TRIM25: variants seen among roughly 807,000 people sequenced by gnomAD.
TRIM25 encodes E3 ubiquitin/ISG15 ligase TRIM25.
A neutral mutation model predicts 65.2 loss-of-function variants in TRIM25; 45 were observed. The ratio of observed to expected loss-of-function variants is 0.69; its 90% CI spans 0.54 to 0.89. TRIM25 has a LOEUF of 0.89. Among genes scored for constraint, TRIM25 ranks in the 40% least tolerant of loss-of-function variants. The probability of loss-of-function intolerance (pLI) is 0.00; values close to 1 mark genes in which losing one functional copy is unlikely to be tolerated. For synonymous variants in TRIM25, 321 were observed against 340.4 expected, an observed-to-expected ratio of 0.94 and a Z score of 0.63; for missense variants, 714 against 803.7, an observed-to-expected ratio of 0.89 and a Z score of 1.35.
At position 56,890,592 on chromosome 17, in the gene TRIM25, A is replaced by C. The variant is rs1330282241; in HGVS notation, c.*1108T>G. On this transcript the variant is annotated 3_prime_UTR_variant, in exon 9 of 9. Coordinates refer to ENST00000316881, the MANE Select transcript of TRIM25 (RefSeq NM_005082.5). ...AGGTTGACACCCCAGCAAGTGGCCT[A>C]GCATGGTCCGAGGCAGCCGCATAGC... 1 of 456,274 alleles carries C rather than the reference A, an allele frequency of 2.2e-6. No homozygotes were observed. The highest frequency in any genetic ancestry group is 7.0e-5 in the East Asian group (1 of 14,378). 28.3% of individuals were successfully genotyped at this position (456,274 alleles called of 1,614,324 possible). A position where few individuals can be genotyped will look rare whatever the true frequency, so the allele number is the denominator to read the frequency against.
rs778670693 is a variant in TRIM25 at position 56,911,308 on chromosome 17, G to A, written c.597+2084C>T. 1.5e-4 allele frequency among the ~76,000 whole-genome samples: 23 copies of A among 151,686 alleles called. 1 individual carries two copies. In the South Asian group the frequency reaches 1.7e-3, roughly 11 times the overall value. On this transcript the variant is annotated intron_variant, in intron 1 of 8. Coordinates refer to ENST00000316881, the MANE Select transcript of TRIM25 (RefSeq NM_005082.5). ...AAAAATATATATATATGGGCCGGGC[G>A]TGGTGGCTCACGCTTGTAATCCCAG...
chr17:56,909,037 G>C (rs1909575906), intron 1 of TRIM25, among the ~76,000 whole-genome samples: 1 of 152,102 alleles, frequency 6.6e-6, no homozygotes, highest in South Asian at 2.1e-4. Context: ...AGGTGGCCAA[G>C]CTCACACAGG....
Position 56,913,527 on chromosome 17 carries a change from G to A in TRIM25, c.462C>T (p.Arg154=). The part of the protein sequence containing the change: ...PLQPPVRDLL[R]RKCSQHNRLR... ...GCCGATTGTGCTGGGAACATTTGCGGCGCAACAGGTCGCGAACGGGCGGCT... is the reference window on the plus strand; with the variant it reads ...GCCGATTGTGCTGGGAACATTTGCGACGCAACAGGTCGCGAACGGGCGGCT... The change falls in exon 1 of 9, where the codon CGC becomes CGT. Residue 154 remains arginine (R), a synonymous_variant. Coordinates refer to ENST00000316881, the MANE Select transcript of TRIM25 (RefSeq NM_005082.5). This position sits in a 1 kb window ranked among gnomAD's most constrained non-coding sequence, Gnocchi z 6.1. 1.2e-6 allele frequency: 2 copies of A among 1,613,814 alleles called. No individual in the cohort carries two copies. Among genetic ancestry groups the A allele is most frequent in the African/African-American group, 1.3e-5 (1 of 75,050 alleles).
In TRIM25 at chr17:56,913,629, C is replaced by G; in HGVS notation, c.360G>C (p.Leu120Phe). 6.2e-7 allele frequency: 1 copy of G among 1,602,126 alleles called. No homozygotes were observed. Among genetic ancestry groups the G allele is most frequent in the Non-Finnish European group, 8.5e-7 (1 of 1,172,642 alleles). The change falls in exon 1 of 9, where the codon TTG becomes TTC. Residue 120 changes from leucine (L) to phenylalanine (F), a missense_variant. Physicochemically the swap from Leu to Phe is conservative, Grantham distance 22. Around this residue, in one of 3 missense-constraint regions of TRIM25, gnomAD observed 291 missense variants for 281.8 expected, o/e 1.03. Transcript: ENST00000316881. This position sits in a 1 kb window ranked among gnomAD's most constrained non-coding sequence, Gnocchi z 6.1. ...CLKEAAVKTC[L>F]VCMASFCQEH... ...CCTGACAGAAGGAGGCCATGCACAC[C>G]AAGCACGTCTTCACGGCGGCCTCCT...
chr17:56,898,832 T>C (rs1421253214), intron 5 of TRIM25: 2 of 354,664 alleles, frequency 5.6e-6, no homozygotes, highest in Non-Finnish European at 1.0e-5. Flanking sequence ...ATCAGTCTCC[T>C]TGCCCAAGGC....
intron 1 of TRIM25, 186 bp from the exon 2 acceptor site, chr17:56,908,749 C>T (rs1260689240): frequency 9.9e-6 from 6 of 606,572 alleles, no homozygotes; most frequent in Non-Finnish European, 1.8e-5. Context: ...ATACTTACTA[C>T]TTCCCTTCAT....
chr17:56,903,346 C>A (rs1349156179), intron 3 of TRIM25, among the ~76,000 whole-genome samples: 1 of 152,172 alleles, frequency 6.6e-6, no homozygotes, highest in Non-Finnish European at 1.5e-5. Flanking sequence ...TTTCAGTGAG[C>A]AAGATCACAC....
At position 56,913,304 on chromosome 17, in the gene TRIM25, C is replaced by A; in HGVS notation, c.597+88G>T. The A allele has an allele frequency of 7.7e-7, 1 of 1,298,170 alleles. No individual in the cohort carries two copies. The highest frequency in any genetic ancestry group is 2.5e-5 in the East Asian group (1 of 40,166). The allele number at this position is 1,298,170 out of a possible 1,614,324, so 80.4% of individuals were successfully genotyped here. ...ATTCAGGCCCATCTCCCCAGGGCGT[C>A]CAGAGTGTGGCAGAGAGGCCCCCGG... On this transcript the variant is annotated intron_variant, in intron 1 of 8. Transcript: ENST00000316881. This position sits in a 1 kb window ranked among gnomAD's most constrained non-coding sequence, Gnocchi z 6.1.
At chr17:56,909,660 G>C (rs1387760189) in intron 1 of TRIM25, among the ~76,000 whole-genome samples, 1 of 147,916 alleles carries the variant, frequency 6.8e-6, no homozygotes, top group African/African-American at 2.5e-5. Context: ...ACTCCAGCCT[G>C]GGTGACAAAG....
At chr17:56,895,825 T>A (rs1909281303) in intron 6 of TRIM25, 101 bp downstream of exon 6, 1 of 1,466,650 alleles carries the variant, frequency 6.8e-7, no homozygotes, top group Non-Finnish European at 9.3e-7. Context: ...ATAGAACCCA[T>A]CACAGAACCC....
Position 56,891,686 on chromosome 17 carries a change from T to C in TRIM25, c.*14A>G, listed in dbSNP as rs898893996. 3 of 1,605,212 alleles carry C rather than the reference T, an allele frequency of 1.9e-6. No homozygotes were observed. In the African/African-American group the frequency reaches 4.0e-5, roughly 22 times the overall value. On this transcript the variant is annotated 3_prime_UTR_variant, in exon 9 of 9. Coordinates refer to ENST00000316881, the MANE Select transcript of TRIM25 (RefSeq NM_005082.5). ...GACTTCTGCAGGCAGTCAGCCCAAGTGCCTACAGCCTGCCTACTTGGGGGA... is the reference window on the plus strand; with the variant it reads ...GACTTCTGCAGGCAGTCAGCCCAAGCGCCTACAGCCTGCCTACTTGGGGGA...
At chr17:56,899,908 T>C (rs1168514608) in intron 4 of TRIM25, among the ~76,000 whole-genome samples, 1 of 152,208 alleles carries the variant, frequency 6.6e-6, no homozygotes, top group African/African-American at 2.4e-5. Flanking sequence ...AGCGAGACCC[T>C]GGCTCTACAA....
Position 56,889,895 on chromosome 17 carries a change from A to G in TRIM25, c.*1805T>C, listed in dbSNP as rs147040699. 1.4e-3 allele frequency: 562 copies of G among 398,742 alleles called. 1 individual carries two copies. The highest frequency in any genetic ancestry group is 2.5e-3 in the Middle Eastern group (4 of 1,588). 24.7% of individuals were successfully genotyped at this position (398,742 alleles called of 1,614,324 possible). A position where few individuals can be genotyped will look rare whatever the true frequency, so the allele number is the denominator to read the frequency against. Reference sequence around the variant, plus strand: ...AAGGAATAAAACTTCTAAGGACCACATATCACCTATTGCAGGGATGTCTTT... The same window carrying G: ...AAGGAATAAAACTTCTAAGGACCACGTATCACCTATTGCAGGGATGTCTTT... On this transcript the variant is annotated 3_prime_UTR_variant, in exon 9 of 9. Transcript: ENST00000316881.
At chr17:56,909,002 T>A (rs1279898885) in intron 1 of TRIM25, among the ~76,000 whole-genome samples, 1 of 151,864 alleles carries the variant, frequency 6.6e-6, no homozygotes, top group Non-Finnish European at 1.5e-5. Flanking sequence ...TTACAGCCAA[T>A]GAAACTCAAG....
chr17:56,902,919 C>T (rs980309505), intron 3 of TRIM25, among the ~76,000 whole-genome samples: 42 of 152,252 alleles, frequency 2.8e-4, no homozygotes, highest in African/African-American at 9.4e-4. Flanking sequence ...TTAACGGAGG[C>T]TGGCACTTCC....
intron 4 of TRIM25, among the ~76,000 whole-genome samples, chr17:56,901,140 C>T (rs1909402568): frequency 6.6e-6 from 1 of 152,180 alleles, no homozygotes; most frequent in African/African-American, 2.4e-5. Flanking sequence ...CAAAACCCAT[C>T]CAAGTTGGCC....
chr17:56,904,658 A>G (rs755752693), intron 2 of TRIM25, among the ~76,000 whole-genome samples, 170 bp from the exon 3 acceptor site: 2 of 152,246 alleles, frequency 1.3e-5, no homozygotes, highest in African/African-American at 4.8e-5. Flanking sequence ...GGAGGTGCTC[A>G]TAGGCTATGA....
chr17:56,902,870 C>G (rs1259329269), intron 3 of TRIM25, among the ~76,000 whole-genome samples: 1 of 152,212 alleles, frequency 6.6e-6, no homozygotes, highest in Non-Finnish European at 1.5e-5. Context: ...TTGGTGCCCT[C>G]CCCATGGTAA....
Position 56,901,451 on chromosome 17 carries a change from A to G in TRIM25, c.1055T>C (p.Ile352Thr), listed in dbSNP as rs1909409848. ...GGGGGTGGGCTCCTGGAGCCGCCCG[A>G]TGCACTGCTTCAGCTCGTTTTTGAG... is the stretch of plus-strand genomic sequence containing the variant. ...IDLKNELKQC[I>T]GRLQEPTPSS... The change falls in exon 4 of 9, where the codon ATC (isoleucine) becomes ACC (threonine). Residue 352 changes from isoleucine (I) to threonine (T), a missense_variant. Around this residue, in one of 3 missense-constraint regions of TRIM25, gnomAD observed 413 missense variants for 498.2 expected, o/e 0.83. Transcript: ENST00000316881. 1.2e-6 allele frequency: 2 copies of G among 1,613,928 alleles called. No homozygotes were observed. Among genetic ancestry groups the G allele is most frequent in the South Asian group, 2.2e-5 (2 of 91,086 alleles).
Sources: gnomAD v4.1 joint callset for allele counts (sites outside exome capture counted in the v4.1 genomes callset) on GRCh38, gnomAD v4.1.1 for gene constraint, gnomAD v4.1.1 regional missense constraint, Gnocchi (gnomAD v3.1) non-coding constraint, MANE v1.5 for transcripts, NCBI Gene and HGNC (gene_info 2026-07-23, HGNC 2026-07-21) for gene names.